The following NOX4 variants were observed in gnomAD, a reference collection of about 807,000 sequenced individuals.
NOX4 encodes NADPH oxidase 4, also known as kidney oxidase-1.
NOX4 carries 69 observed loss-of-function variants against 87.6 expected under a neutral mutation model. That is an observed-to-expected ratio of 0.79 (90% confidence interval 0.65 to 0.96). NOX4 has a LOEUF of 0.96. Among genes scored for constraint, NOX4 ranks in the 40% least tolerant of loss-of-function variants. The pLI is 0.00. For synonymous variants in NOX4, 275 were observed against 238.2 expected (o/e 1.15, Z -1.42); for missense variants, 680 against 681.5 (o/e 1.00, Z 0.02).
intron 8 of NOX4, among the ~76,000 whole-genome samples, chr11:89,415,302 A>G (rs920682214): frequency 1.3e-5 from 2 of 152,096 alleles, no homozygotes; most frequent in African/African-American, 4.8e-5. Context: ...GTTGTTCATT[A>G]TATTTGTCAA....
chr11:89,431,089 A>C (rs1943756048), intron 7 of NOX4, among the ~76,000 whole-genome samples: 1 of 152,208 alleles, frequency 6.6e-6, no homozygotes, highest in African/African-American at 2.4e-5. Context: ...AACCTGACAA[A>C]AACAAGAAAT....
intron 8 of NOX4, among the ~76,000 whole-genome samples, chr11:89,405,013 G>A (rs776790668): frequency 1.3e-5 from 2 of 150,938 alleles, no homozygotes; most frequent in African/African-American, 4.9e-5. Context: ...CCTATGTCAC[G>A]CAAAGCAAAT....
chr11:89,542,619 G>T, the NOX4 span, among the ~76,000 whole-genome samples: 2 of 152,154 alleles, frequency 1.3e-5, no homozygotes, highest in Non-Finnish European at 2.9e-5. Flanking sequence ...ATAAGAACTA[G>T]TCCATGTTTC....
chr11:89,345,486 G>A (rs1946177845), intron 13 of NOX4, among the ~76,000 whole-genome samples: 1 of 152,106 alleles, frequency 6.6e-6, no homozygotes, highest in Non-Finnish European at 1.5e-5. Context: ...ACAGCTTCCA[G>A]CCAGACACAT....
chr11:89,466,263 A>G (rs1945689574), intron 2 of NOX4, among the ~76,000 whole-genome samples: 1 of 152,246 alleles, frequency 6.6e-6, no homozygotes, highest in South Asian at 2.1e-4. Flanking sequence ...GAAGAACATA[A>G]TATCTAGGTA....
At chr11:89,431,135 G>A (rs1943758113) in intron 7 of NOX4, among the ~76,000 whole-genome samples, 1 of 152,158 alleles carries the variant, frequency 6.6e-6, no homozygotes, top group Admixed American at 6.5e-5. Context: ...ATGGTGCTGG[G>A]AAAACTGGCT....
At chr11:89,450,435 C>T (rs1225791310) in intron 3 of NOX4, among the ~76,000 whole-genome samples, 4 of 152,098 alleles carry the variant, frequency 2.6e-5, no homozygotes, top group Non-Finnish European at 5.9e-5. Flanking sequence ...AGAATCAACA[C>T]GCACACACAC....
At chr11:89,526,783 C>T in the NOX4 span, among the ~76,000 whole-genome samples, 6 of 152,144 alleles carry the variant, frequency 3.9e-5, no homozygotes, top group Non-Finnish European at 5.9e-5. Context: ...GTCAATTAAA[C>T]CTTTTTCCTC....
intron 5 of NOX4, among the ~76,000 whole-genome samples, chr11:89,441,420 C>G (rs939222067): frequency 6.6e-6 from 1 of 152,122 alleles, no homozygotes; most frequent in Non-Finnish European, 1.5e-5. Context: ...CTTAATATTT[C>G]ACAAGCTTTT....
At chr11:89,484,000 A>G (rs1035789680) in intron 2 of NOX4, among the ~76,000 whole-genome samples, 2 of 152,130 alleles carry the variant, frequency 1.3e-5, no homozygotes, top group African/African-American at 4.8e-5. Context: ...TCTCAGCTAC[A>G]AAACAAAAAC....
intron 13 of NOX4, 27 bp from the exon 14 acceptor site, chr11:89,342,220 A>G (rs1013827397): frequency 1.9e-6 from 3 of 1,577,374 alleles, no homozygotes; most frequent in East Asian, 2.3e-5. Flanking sequence ...AAAAGGTGGG[A>G]AAAAAATGAA....
intron 2 of NOX4, among the ~76,000 whole-genome samples, chr11:89,465,730 G>A (rs1945660366): frequency 6.6e-6 from 1 of 152,098 alleles, no homozygotes; most frequent in Admixed American, 6.5e-5. Context: ...GTGATGACCA[G>A]CAATGATGAG....
At chr11:89,410,134 A>G (rs1045368437) in intron 8 of NOX4, among the ~76,000 whole-genome samples, 1 of 152,164 alleles carries the variant, frequency 6.6e-6, no homozygotes, top group Non-Finnish European at 1.5e-5. Context: ...AGAAATGCAT[A>G]AAGACCCCGA....
intron 5 of NOX4, among the ~76,000 whole-genome samples, chr11:89,442,082 T>C (rs1204710404): frequency 6.7e-6 from 1 of 150,198 alleles, no homozygotes; most frequent in Non-Finnish European, 1.5e-5. Flanking sequence ...CTTATTTTCA[T>C]CTACATCTAA....
At position 89,464,056 on chromosome 11, in the gene NOX4, G is replaced by C. The variant is rs138410531; in HGVS notation, c.154-12161C>G. Reference sequence around the variant, plus strand: ...CCTAAAATCTATAACATAAATTCAGGAATTAAGAGATACAAATAAATCATC... The same window carrying C: ...CCTAAAATCTATAACATAAATTCAGCAATTAAGAGATACAAATAAATCATC... On this transcript the variant is annotated intron_variant, in intron 2 of 17. Coordinates refer to ENST00000263317, the MANE Select transcript of NOX4 (RefSeq NM_016931.5). 1.1e-3 allele frequency among the ~76,000 whole-genome samples: 168 copies of C among 152,044 alleles called. 2 individuals are homozygous for C. The highest frequency in any genetic ancestry group is 3.7e-3 in the African/African-American group (154 of 41,524).
At chr11:89,560,961 CGTCT>C in the NOX4 span, among the ~76,000 whole-genome samples, 281 of 52,508 alleles carry the variant, frequency 5.4e-3, 30 homozygotes, top group African/African-American at 0.015. Flanking sequence ...CATCTCATCT[CGTCT>C]CTCTCTCTCT....
the NOX4 span, among the ~76,000 whole-genome samples, chr11:89,581,889 TATCC>T: frequency 5.9e-5 from 9 of 152,184 alleles, no homozygotes; most frequent in Non-Finnish European, 1.0e-4. Flanking sequence ...ACATAAGATC[TATCC>T]ATGAAAGCAA....
chr11:89,449,730 T>C (rs1223451382), intron 3 of NOX4, among the ~76,000 whole-genome samples: 5 of 152,020 alleles, frequency 3.3e-5, no homozygotes, highest in Admixed American at 6.6e-5. Flanking sequence ...ATTATTGATA[T>C]AGAAAGATGT....
chr11:89,400,383 A>G lies in NOX4; in HGVS notation c.847-4T>C, dbSNP rs543301517. The G allele has an allele frequency of 6.4e-7, 1 of 1,561,104 alleles. No homozygotes were observed. Among genetic ancestry groups the G allele is most frequent in the African/African-American group, 1.4e-5 (1 of 73,020 alleles). The stretch of plus-strand genomic sequence containing the variant: ...GTCCAGAAATCCAAAGCCAAGTCTA[A>G]GACAAATTTTTGAAAATATACTTCA... On this transcript the variant is annotated splice_region_variant and splice_polypyrimidine_tract_variant and intron_variant, in intron 9 of 17. Transcript: ENST00000263317.
Sources: allele counts gnomAD v4.1 joint callset (sites outside exome capture counted in the v4.1 genomes callset), GRCh38; gene constraint gnomAD v4.1.1; transcripts MANE v1.5; gene names NCBI Gene and HGNC (gene_info 2026-07-23, HGNC 2026-07-21).